NIPAL4: variants seen among roughly 807,000 people sequenced by gnomAD.
The protein encoded by NIPAL4 is NIPA like domain containing 4.
A neutral mutation model predicts 31.6 loss-of-function variants in NIPAL4; 21 were observed. The ratio of observed to expected loss-of-function variants is 0.67; its 90% confidence interval spans 0.47 to 0.96. NIPAL4 has a LOEUF of 0.96. Ranked by LOEUF, NIPAL4 falls within the 40% of genes least tolerant of loss-of-function variation. The pLI, the probability that NIPAL4 is intolerant of heterozygous loss-of-function variation, is 0.00. For synonymous variants in NIPAL4, 175 were observed against 211.1 expected (o/e 0.83, Z 1.48); for missense variants, 438 against 508.0 (o/e 0.86, Z 1.32).
In NIPAL4 at chr5:157,472,664, G is replaced by A. The variant is rs137909022; in HGVS notation, c.919G>A (p.Val307Ile). The change falls in exon 6 of 6, where the codon GTT (valine) becomes ATT (isoleucine). Residue 307 changes from valine (V) to isoleucine (I), a missense_variant. Physicochemically the swap from Val to Ile is conservative, Grantham distance 29 (BLOSUM62 3). Coordinates refer to ENST00000311946, the MANE Select transcript of NIPAL4 (RefSeq NM_001099287.2). ...CTACGTGTTCTTCACCACGGTGGTCGTTACCTCGTCCATCATCCTCTTCAA... is the reference window on the plus strand; with the variant it reads ...CTACGTGTTCTTCACCACGGTGGTCATTACCTCGTCCATCATCCTCTTCAA... ...IYYVFFTTVV[V>I]TSSIILFKEW... 692 of 1,613,884 alleles carry A rather than the reference G, an allele frequency of 4.3e-4. 5 individuals are homozygous for A. The highest frequency in any genetic ancestry group is 1.8e-3 in the Middle Eastern group (11 of 6,062).
At chr5:157,469,468 C>T (rs1754368078) in intron 4 of NIPAL4, among the ~76,000 whole-genome samples, 1 of 152,202 alleles carries the variant, frequency 6.6e-6, no homozygotes, top group Non-Finnish European at 1.5e-5. Flanking sequence ...GGTTAAGCAA[C>T]TTGGCCAAAG....
At chr5:157,462,665 C>A (rs1299847228) in intron 1 of NIPAL4, among the ~76,000 whole-genome samples, 1 of 152,196 alleles carries the variant, frequency 6.6e-6, no homozygotes, top group Non-Finnish European at 1.5e-5. Flanking sequence ...GGTTACTAAA[C>A]TTATCAGAGC....
rs1210060600 is a variant in NIPAL4 at position 157,473,692 on chromosome 5, G to C, written c.*732G>C. On this transcript the variant is annotated 3_prime_UTR_variant, in exon 6 of 6. Coordinates refer to ENST00000311946, the MANE Select transcript of NIPAL4 (RefSeq NM_001099287.2). ...CCTCTACTTACATCCTAAGGAGTCG[G>C]TCACTGAGACATAAAGGCAGTAATC... 1 of 152,144 alleles carries C rather than the reference G, an allele frequency of 6.6e-6. No individual in the cohort carries two copies. The highest frequency in any genetic ancestry group is 1.5e-5 in the Non-Finnish European group (1 of 68,056). 9.4% of individuals were successfully genotyped at this position (152,144 alleles called of 1,614,324 possible).
Position 157,472,710 on chromosome 5 carries a change from C to T in NIPAL4, c.965C>T (p.Ala322Val). The part of the protein sequence containing the change: ...ILFKEWYSMS[A>V]VDIAGTLSGF... ...TTCAAGGAGTGGTACAGCATGTCTG[C>T]TGTGGACATTGCAGGCACCCTCTCG... The change falls in exon 6 of 6, where the codon GCT (alanine) becomes GTT (valine). Residue 322 changes from alanine (A) to valine (V), a missense_variant. By Grantham distance (64) the Ala-to-Val change is moderately conservative. Transcript: ENST00000311946. 2 of 1,614,020 alleles carry T rather than the reference C, an allele frequency of 1.2e-6. No individual in the cohort carries two copies. The highest frequency in any genetic ancestry group is 1.6e-4 in the Middle Eastern group (1 of 6,062).
rs1468454417 is a variant in NIPAL4, at chr5:157,474,572, C to G, written c.*1612C>G. On this transcript the variant is annotated 3_prime_UTR_variant, in exon 6 of 6. Transcript: ENST00000311946. ...GCAGACTGGCTCCCTGACTCTTCAG[C>G]CTCAAATCCCCAGTTTTTGATGAAT... 1.3e-5 allele frequency: 2 copies of G among 152,224 alleles called. No homozygotes were observed. The highest frequency in any genetic ancestry group is 4.8e-5 in the African/African-American group (2 of 41,460). 9.4% of individuals were successfully genotyped at this position (152,224 alleles called of 1,614,324 possible).
chr5:157,473,541 CCTT>C lies in NIPAL4; in HGVS notation c.*585_*587del, dbSNP rs1754501292. 1 of 152,298 alleles carries C rather than the reference CCTT, an allele frequency of 6.6e-6. No homozygotes were observed. 9.4% of individuals were successfully genotyped at this position (152,298 alleles called of 1,614,324 possible). A position where few individuals can be genotyped will look rare whatever the true frequency, so the allele number is the denominator to read the frequency against. On this transcript the variant is annotated 3_prime_UTR_variant, in exon 6 of 6. Coordinates refer to ENST00000311946, the MANE Select transcript of NIPAL4 (RefSeq NM_001099287.2). The stretch of plus-strand genomic sequence containing the variant: ...GAGGCAGAAGCAAGACCTCAGCTGA[CCTT>C]CTTACTGTGAAAGCCACTTGATGTC...
intron 1 of NIPAL4, chr5:157,460,567 T>A (rs1754068484): frequency 5.9e-6 from 4 of 673,658 alleles, no homozygotes; most frequent in South Asian, 3.0e-5. Flanking sequence ...CTGAGAGGAG[T>A]CAGGGAAGGA....
At chr5:157,468,134 C>T (rs369293159) in intron 3 of NIPAL4, among the ~76,000 whole-genome samples, 125 of 150,828 alleles carry the variant, frequency 8.3e-4, no homozygotes, top group African/African-American at 2.9e-3. Context: ...AGGCTGGTCT[C>T]GAACTCCCGA....
chr5:157,467,159 G>C, intron 3 of NIPAL4, 54 bp downstream of exon 3: 10 of 886,302 alleles, frequency 1.1e-5, no homozygotes, highest in East Asian at 5.7e-5. Flanking sequence ...CAGGGCTGGA[G>C]ACAAAGGGAG....
At chr5:157,467,706 T>G (rs1241109991) in intron 3 of NIPAL4, 2 of 157,534 alleles carry the variant, frequency 1.3e-5, no homozygotes, top group Non-Finnish European at 2.8e-5. Flanking sequence ...CAGGTGGTTC[T>G]CTATCAGCAG....
At chr5:157,463,805 A>G (rs555712344) in intron 2 of NIPAL4, among the ~76,000 whole-genome samples, 1 of 151,696 alleles carries the variant, frequency 6.6e-6, no homozygotes, top group African/African-American at 2.4e-5. Flanking sequence ...GAACTGTCTG[A>G]CCCCAAGGGA....
At chr5:157,460,461 T>G in intron 1 of NIPAL4, 104 bp downstream of exon 1, 3 of 1,197,734 alleles carry the variant, frequency 2.5e-6, no homozygotes, top group Non-Finnish European at 3.6e-6. Context: ...GGGCCAAAGC[T>G]GGGGAGGGGC....
intron 4 of NIPAL4, among the ~76,000 whole-genome samples, chr5:157,470,039 T>G (rs895868479): frequency 6.6e-6 from 1 of 152,174 alleles, no homozygotes; most frequent in Non-Finnish European, 1.5e-5. Context: ...AAAATATTTT[T>G]GGTAGTTTCA....
intron 1 of NIPAL4, among the ~76,000 whole-genome samples, chr5:157,461,353 G>A (rs1316554649): frequency 1.3e-5 from 2 of 152,228 alleles, no homozygotes; most frequent in African/African-American, 4.8e-5. Flanking sequence ...ACTGCAGTGG[G>A]AGAACTTGAC....
chr5:157,460,614 G>A, intron 1 of NIPAL4: 1 of 659,356 alleles, frequency 1.5e-6, no homozygotes, highest in Non-Finnish European at 2.8e-6. Context: ...GGGTTAGTGG[G>A]GGGCAGGCAT....
intron 4 of NIPAL4, among the ~76,000 whole-genome samples, chr5:157,469,743 C>T (rs1256991305): frequency 6.6e-6 from 1 of 152,110 alleles, no homozygotes; most frequent in Non-Finnish European, 1.5e-5. Context: ...CTTGGAACGC[C>T]GGTAAATTGT....
chr5:157,471,495 G>A (rs1383962202), intron 4 of NIPAL4, among the ~76,000 whole-genome samples, 162 bp from the exon 5 acceptor site: 1 of 152,048 alleles, frequency 6.6e-6, no homozygotes, highest in African/African-American at 2.4e-5. Flanking sequence ...CACATGATTT[G>A]CCCATGGTAA....
At chr5:157,466,698 A>G (rs1561829355) in intron 2 of NIPAL4, among the ~76,000 whole-genome samples, 1 of 152,230 alleles carries the variant, frequency 6.6e-6, no homozygotes, top group Non-Finnish European at 1.5e-5. Flanking sequence ...TGGATAAATG[A>G]GAGTGCCACT....
intron 4 of NIPAL4, among the ~76,000 whole-genome samples, chr5:157,471,456 C>T (rs1754431930): frequency 6.6e-6 from 1 of 152,210 alleles, no homozygotes; most frequent in Admixed American, 6.5e-5. Context: ...CCCCATTTTG[C>T]AGATGGGGAC....
Sources: allele counts gnomAD v4.1 joint callset (sites outside exome capture counted in the v4.1 genomes callset), GRCh38; gene constraint gnomAD v4.1.1; transcripts MANE v1.5; gene names NCBI Gene and HGNC (gene_info 2026-07-23, HGNC 2026-07-21).